NDE1: variants seen among roughly 807,000 people sequenced by gnomAD.
The protein encoded by NDE1 is nudE neurodevelopment protein 1, also known as nuclear distribution protein nudE homolog 1.
NDE1 carries 28 observed loss-of-function variants against 43.4 expected under a neutral mutation model. That is an observed-to-expected ratio of 0.65 (90% confidence interval 0.48 to 0.89). NDE1 has a LOEUF of 0.89. Among genes scored for constraint, NDE1 ranks in the 40% least tolerant of loss-of-function variants. NDE1 has a pLI of 0.00. For missense variants in NDE1, 441 were observed against 434.1 expected, an observed-to-expected ratio of 1.02 and a Z score of -0.14; for synonymous variants, 184 against 172.0, an observed-to-expected ratio of 1.07 and a Z score of -0.55.
At chr16:15,720,833 A>G (rs2040431673) in intron 8 of NDE1, 1 of 1,613,126 alleles carries the variant, frequency 6.2e-7, no homozygotes, top group Middle Eastern at 1.8e-4. Context: ...CCCCGGCAGC[A>G]CGCACCTGTC....
At chr16:15,663,351 C>T (rs1255451584) in intron 1 of NDE1, among the ~76,000 whole-genome samples, 3 of 151,776 alleles carry the variant, frequency 2.0e-5, no homozygotes, top group Admixed American at 6.6e-5. Context: ...GTGATTCTAC[C>T]GCCTCAGTCT....
At chr16:15,717,561 G>A (rs2040228375) in intron 8 of NDE1, 1 of 602,590 alleles carries the variant, frequency 1.7e-6, no homozygotes, top group Non-Finnish European at 2.9e-6. Context: ...TTTGGAAGCA[G>A]AGGCAGGTAA....
At chr16:15,709,584 G>A (rs1199818038) in intron 8 of NDE1, among the ~76,000 whole-genome samples, 3 of 152,142 alleles carry the variant, frequency 2.0e-5, no homozygotes, top group African/African-American at 7.2e-5. Flanking sequence ...CAAAGAGCTG[G>A]GATTACAGGT....
At chr16:15,698,975 C>T (rs1285369407) in intron 8 of NDE1, among the ~76,000 whole-genome samples, 3 of 152,048 alleles carry the variant, frequency 2.0e-5, no homozygotes, top group Non-Finnish European at 2.9e-5. Context: ...GCCTCGTCCT[C>T]CTGGGCTCAA....
intron 7 of NDE1, among the ~76,000 whole-genome samples, chr16:15,696,386 C>CAA (rs5815840): frequency 6.7e-4 from 98 of 145,748 alleles, no homozygotes; most frequent in East Asian, 8.0e-4. Flanking sequence ...AAAAACAAAA[C>CAA]AAAAAAAAAA....
intron 6 of NDE1, 69 bp downstream of exon 6, chr16:15,691,392 G>A: frequency 6.5e-7 from 1 of 1,532,644 alleles, no homozygotes; most frequent in Admixed American, 1.9e-5. Context: ...TCTGGGGTGG[G>A]TCCTGGGGGT....
chr16:15,652,467 G>A (rs1269015573), intron 1 of NDE1, among the ~76,000 whole-genome samples: 1 of 152,162 alleles, frequency 6.6e-6, no homozygotes, highest in African/African-American at 2.4e-5. Context: ...AGTACTACAC[G>A]TGCACCTCGT....
At chr16:15,675,551 C>T (rs2037826184) in intron 3 of NDE1, among the ~76,000 whole-genome samples, 1 of 151,886 alleles carries the variant, frequency 6.6e-6, no homozygotes, top group Admixed American at 6.6e-5. Flanking sequence ...GTCTTCTTGC[C>T]TCACCCTCCC....
At chr16:15,718,475 TC>T in intron 8 of NDE1, 2 of 1,536,066 alleles carry the variant, frequency 1.3e-6, no homozygotes, top group African/African-American at 1.4e-5. Flanking sequence ...GCCTCTACCC[TC>T]CCCCGCCTTA....
At chr16:15,643,513 G>A (rs915460737) in exon 1 of NDE1, 4 of 374,908 alleles carry the variant, frequency 1.1e-5, no homozygotes, top group African/African-American at 2.3e-5. Flanking sequence ...AGCTCTTTCA[G>A]GCTTTGGAGG....
intron 8 of NDE1, among the ~76,000 whole-genome samples, chr16:15,712,550 A>G (rs1365733103): frequency 2.0e-5 from 3 of 151,990 alleles, no homozygotes; most frequent in South Asian, 4.2e-4. Context: ...GAGCTGAGAT[A>G]GTGCTACTGC....
chr16:15,714,642 C>A (rs1175507806), intron 8 of NDE1: 4 of 576,428 alleles, frequency 6.9e-6, no homozygotes, highest in Admixed American at 6.0e-5. Flanking sequence ...TAGCCTCTTC[C>A]TCCTCCTCAG....
chr16:15,691,828 C>T (rs1163594078), intron 6 of NDE1, among the ~76,000 whole-genome samples: 5 of 151,622 alleles, frequency 3.3e-5, no homozygotes, highest in Non-Finnish European at 5.9e-5. Context: ...ACAGTCTTGC[C>T]ATGTCGCCCA....
At chr16:15,686,659 C>G (rs1331554859) in intron 4 of NDE1, 23 of 518,246 alleles carry the variant, frequency 4.4e-5, no homozygotes, top group Non-Finnish European at 1.5e-5. Flanking sequence ...GCCTGAGAGA[C>G]ACAGCAAAAA....
In NDE1 at chr16:15,687,333, G is replaced by A. The variant is rs775490441; in HGVS notation, c.387-42G>A. ...GGATCCGCGGTGCTGGAGGGATGCT[G>A]CGGTTTGTCCTCTTGGATAACTCTG... On this transcript the variant is annotated intron_variant, in intron 4 of 8. Coordinates refer to ENST00000396354, the MANE Select transcript of NDE1 (RefSeq NM_017668.3). 3.1e-6 allele frequency: 5 copies of A among 1,613,698 alleles called. No homozygotes were observed. The East Asian group carries it at 1.1e-4, about 36-fold the overall frequency.
chr16:15,717,606 C>A, intron 8 of NDE1: 1 of 579,268 alleles, frequency 1.7e-6, no homozygotes, highest in Non-Finnish European at 3.1e-6. Flanking sequence ...ACCTGCCTGG[C>A]CAACATGGTG....
intron 8 of NDE1, among the ~76,000 whole-genome samples, chr16:15,716,608 A>C (rs921877667): frequency 1.3e-5 from 2 of 151,984 alleles, no homozygotes; most frequent in African/African-American, 4.8e-5. Context: ...TGCAACCTCC[A>C]CGTGTCACGT....
intron 8 of NDE1, among the ~76,000 whole-genome samples, chr16:15,706,489 C>T (rs553698812): frequency 7.2e-5 from 11 of 152,236 alleles, no homozygotes; most frequent in Admixed American, 2.6e-4. Context: ...GCAGATCACT[C>T]GTGAGGTCAG....
At chr16:15,691,521 TGGA>T (rs2038753130) in intron 6 of NDE1, among the ~76,000 whole-genome samples, 198 bp downstream of exon 6, 1 of 151,932 alleles carries the variant, frequency 6.6e-6, no homozygotes, top group Admixed American at 6.6e-5. Context: ...GAGGCAGTAG[TGGA>T]GTCTGATGAA....
Sources: gnomAD v4.1 joint callset for allele counts (sites outside exome capture counted in the v4.1 genomes callset) on GRCh38, gnomAD v4.1.1 for gene constraint, MANE v1.5 for transcripts, NCBI Gene and HGNC (gene_info 2026-07-23, HGNC 2026-07-21) for gene names.